DNAH9: variants seen among roughly 807,000 people sequenced by gnomAD.
The protein encoded by DNAH9 is dynein axonemal heavy chain 9, also known as DNAH9 variant protein.
In DNAH9, 345 loss-of-function variants were observed where a neutral mutation model predicts 471.6. That is an observed-to-expected ratio of 0.73 (90% confidence interval 0.67 to 0.80). The LOEUF (loss-of-function observed/expected upper bound fraction) is 0.80, where lower values mean the gene tolerates loss of function less well. Among genes scored for constraint, DNAH9 ranks in the 30% least tolerant of loss-of-function variants. The probability of loss-of-function intolerance (pLI) is 0.00; values close to 1 mark genes in which losing one functional copy is unlikely to be tolerated. For missense variants in DNAH9, 5,407 were observed against 5,609.2 expected, an observed-to-expected ratio of 0.96 and a Z score of 1.15; for synonymous variants, 2,093 against 2,123.6, an observed-to-expected ratio of 0.99 and a Z score of 0.40.
intron 17 of DNAH9, among the ~76,000 whole-genome samples, chr17:11,671,649 G>A (rs2073974303): frequency 6.6e-6 from 1 of 152,200 alleles, no homozygotes; most frequent in East Asian, 1.9e-4. Context: ...TTTGCATATG[G>A]AAAGTGTGCT....
chr17:11,950,701 A>G (rs111523727), intron 67 of DNAH9, among the ~76,000 whole-genome samples: 7 of 152,268 alleles, frequency 4.6e-5, no homozygotes, highest in African/African-American at 1.7e-4. Flanking sequence ...ATCTCTTCTT[A>G]TAACAAAACT....
At position 11,679,767 on chromosome 17, in the gene DNAH9, C is replaced by G; in HGVS notation, c.3364C>G (p.Leu1122Val). 6.2e-7 allele frequency: 1 copy of G among 1,613,322 alleles called. No individual in the cohort carries two copies. The highest frequency in any genetic ancestry group is 8.5e-7 in the Non-Finnish European group (1 of 1,179,416). ...GTTTGTGTTGATTAGCTTGGCCAAC[C>G]TGGATGCGTTTATAAAGAAGAGTGA... ...VDHVTHSLAN[L>V]DAFIKKSESG... is the part of the protein sequence containing the mutation. The change falls in exon 18 of 69, where the codon CTG becomes GTG. Residue 1122 changes from leucine to valine, a missense_variant. Coordinates refer to ENST00000262442, the MANE Select transcript of DNAH9 (RefSeq NM_001372.4).
chr17:11,754,046 C>T (rs2150854477), intron 33 of DNAH9, among the ~76,000 whole-genome samples: 1 of 152,110 alleles, frequency 6.6e-6, no homozygotes, highest in East Asian at 1.9e-4. Context: ...ATTTAGCTCC[C>T]ACTTACAAAT....
At chr17:11,690,655 G>A (rs1351876008) in intron 20 of DNAH9, among the ~76,000 whole-genome samples, 4 of 151,252 alleles carry the variant, frequency 2.6e-5, no homozygotes, top group Non-Finnish European at 5.9e-5. Flanking sequence ...GTCCTTCAAT[G>A]GGTAGGAAAA....
intron 27 of DNAH9, among the ~76,000 whole-genome samples, chr17:11,721,369 T>A (rs545761046): frequency 2.6e-5 from 4 of 152,142 alleles, no homozygotes; most frequent in South Asian, 2.1e-4. Flanking sequence ...TAGAACATCA[T>A]AAATAAGCAT....
chr17:11,623,805 A>G lies in DNAH9; in HGVS notation c.1350+4024A>G, dbSNP rs1406052445. ...AACACCAATGTGTTTATCTCTCTGC[A>G]TGCTCTCGTCACGGGTTAGAGTGTG... On this transcript the variant is annotated intron_variant, in intron 6 of 68. Transcript: ENST00000262442. This position sits in a 1 kb window ranked among gnomAD's most constrained non-coding sequence, Gnocchi z 4.1. Among the ~76,000 whole-genome samples, 2 of 152,190 alleles carry G rather than the reference A, an allele frequency of 1.3e-5. No homozygotes were observed. Among genetic ancestry groups the G allele is most frequent in the Non-Finnish European group, 2.9e-5 (2 of 68,034 alleles).
At chr17:11,698,342 A>G (rs954953207) in intron 22 of DNAH9, among the ~76,000 whole-genome samples, 8 of 139,456 alleles carry the variant, frequency 5.7e-5, no homozygotes, top group African/African-American at 1.9e-4. Context: ...TCTATATTAT[A>G]CATACTAATT....
intron 50 of DNAH9, among the ~76,000 whole-genome samples, chr17:11,861,426 G>T (rs977524427): frequency 5.3e-5 from 8 of 151,110 alleles, no homozygotes; most frequent in East Asian, 1.9e-4. Flanking sequence ...GTCTATCATT[G>T]TTGGACATTT....
At chr17:11,908,130 C>T (rs1398279844) in intron 61 of DNAH9, among the ~76,000 whole-genome samples, 1 of 152,072 alleles carries the variant, frequency 6.6e-6, no homozygotes, top group South Asian at 2.1e-4. Context: ...TTGCATATCC[C>T]AGTCCCATCA....
chr17:11,642,374 C>A (rs2073291025), intron 10 of DNAH9, among the ~76,000 whole-genome samples: 1 of 151,410 alleles, frequency 6.6e-6, no homozygotes, highest in South Asian at 2.1e-4. Flanking sequence ...CCCATCTCTA[C>A]TAAAAATACA....
intron 35 of DNAH9, 84 bp from the exon 36 acceptor site, chr17:11,763,356 C>A: frequency 8.1e-7 from 1 of 1,234,552 alleles, no homozygotes; most frequent in Non-Finnish European, 1.2e-6. Flanking sequence ...TCCACTGAAA[C>A]TGAGTGGTTC....
chr17:11,636,599 A>T, intron 8 of DNAH9, 35 bp from the exon 9 acceptor site: 3 of 1,595,964 alleles, frequency 1.9e-6, no homozygotes, highest in Non-Finnish European at 2.6e-6. Flanking sequence ...TTAATCTGTG[A>T]TTTTTTTCCT....
At chr17:11,747,476 C>G (rs1966928360) in intron 31 of DNAH9, 80 bp from the exon 32 acceptor site, 2 of 1,140,526 alleles carry the variant, frequency 1.8e-6, no homozygotes, top group Admixed American at 1.9e-5. Context: ...CTTCAGACAC[C>G]AGCTGGGGTC....
chr17:11,823,022 C>A lies in DNAH9; in HGVS notation c.9234C>A (p.Ser3078Arg). 6.2e-7 allele frequency: 1 copy of A among 1,612,830 alleles called. No homozygotes were observed. Among genetic ancestry groups the A allele is most frequent in the Non-Finnish European group, 8.5e-7 (1 of 1,179,334 alleles). Residue 3078 changes from serine to arginine, a missense_variant, in exon 48 of 69, where the codon AGC becomes AGA. By Grantham distance (110) the Ser-to-Arg change is moderately radical (BLOSUM62 -1). Coordinates refer to ENST00000262442, the MANE Select transcript of DNAH9 (RefSeq NM_001372.4). ...AGAACGGGCTGCTGAAGCTGCATAG[C>A]ACCTCTGCCCAGGTGAGCAATGTCC... ...RLENGLLKLH[S>R]TSAQVDDLKA...
chr17:11,815,353 G>A (rs945567929), intron 45 of DNAH9, among the ~76,000 whole-genome samples: 29 of 152,040 alleles, frequency 1.9e-4, no homozygotes, highest in African/African-American at 4.6e-4. Context: ...TTCTGAATCC[G>A]TATCTTCTCT....
intron 67 of DNAH9, among the ~76,000 whole-genome samples, chr17:11,946,280 C>T (rs1360384014): frequency 6.6e-6 from 1 of 150,376 alleles, no homozygotes; most frequent in Non-Finnish European, 1.5e-5. Context: ...AGCTTCACAT[C>T]TTTAGAAACA....
chr17:11,905,867 T>G (rs1973581058), intron 61 of DNAH9, 58 bp downstream of exon 61: 1 of 1,521,030 alleles, frequency 6.6e-7, no homozygotes, highest in African/African-American at 1.4e-5. Flanking sequence ...CTTTCATTCT[T>G]GGGGTCTATT....
chr17:11,907,352 C>T (rs1321435970), intron 61 of DNAH9, among the ~76,000 whole-genome samples: 1 of 152,002 alleles, frequency 6.6e-6, no homozygotes, highest in Non-Finnish European at 1.5e-5. Context: ...TGCCTGTAAT[C>T]CCAGCCACTC....
At chr17:11,947,352 C>A (rs1189756972) in intron 67 of DNAH9, among the ~76,000 whole-genome samples, 1 of 152,148 alleles carries the variant, frequency 6.6e-6, no homozygotes, top group African/African-American at 2.4e-5. Context: ...ACAGACTGCC[C>A]AGAAATTATC....
Sources: gnomAD v4.1 joint callset for allele counts (sites outside exome capture counted in the v4.1 genomes callset) on GRCh38, gnomAD v4.1.1 for gene constraint, Gnocchi (gnomAD v3.1) non-coding constraint, MANE v1.5 for transcripts, NCBI Gene and HGNC (gene_info 2026-07-23, HGNC 2026-07-21) for gene names.